Variants in ANO10 observed in about 807,000 individuals in gnomAD.
ANO10 encodes anoctamin 10, also known as anoctamin-10.
Under a neutral mutation model 74.7 loss-of-function variants are expected in ANO10, and 77 were observed. The observed-to-expected ratio is 1.03, with a 90% CI of 0.86 to 1.25. The LOEUF is 1.25. Among genes scored for constraint, ANO10 ranks in the 50% most tolerant of loss-of-function variants. The pLI, the probability that ANO10 is intolerant of heterozygous loss-of-function variation, is 0.00. For synonymous variants in ANO10, 279 were observed against 284.9 expected (o/e 0.98, Z 0.21); for missense variants, 721 against 778.1 (o/e 0.93, Z 0.87).
intron 11 of ANO10, among the ~76,000 whole-genome samples, chr3:43,468,346 A>T (rs7636753): frequency 0.15 from 22,178 of 152,150 alleles, 2,042 homozygotes; most frequent in African/African-American, 0.25. Flanking sequence ...TGAAAGGCTT[A>T]TCTCTGACCC....
At chr3:43,507,603 G>A (rs2077343018) in intron 11 of ANO10, among the ~76,000 whole-genome samples, 1 of 152,062 alleles carries the variant, frequency 6.6e-6, no homozygotes, top group Non-Finnish European at 1.5e-5. Context: ...GCAAACCTCT[G>A]ATGGTGGCTG....
chr3:43,375,607 G>T (rs1232438606), intron 12 of ANO10, among the ~76,000 whole-genome samples: 1 of 152,122 alleles, frequency 6.6e-6, no homozygotes, highest in Non-Finnish European at 1.5e-5. Context: ...ACTCAGATGC[G>T]GAGACACTTC....
chr3:43,453,265 C>T (rs1559559238), intron 11 of ANO10, among the ~76,000 whole-genome samples: 1 of 151,148 alleles, frequency 6.6e-6, no homozygotes, highest in Non-Finnish European at 1.5e-5. Context: ...TTGCAAGCTC[C>T]ACCACCCAGG....
chr3:43,519,981 T>C, intron 11 of ANO10, among the ~76,000 whole-genome samples: 1 of 152,166 alleles, frequency 6.6e-6, no homozygotes. Flanking sequence ...AACCTCCTTG[T>C]AGCAGAGATG....
intron 1 of ANO10, among the ~76,000 whole-genome samples, chr3:43,685,101 ATTGT>A (rs960631285): frequency 9.2e-5 from 14 of 152,028 alleles, no homozygotes; most frequent in Admixed American, 3.9e-4. Context: ...AAAAATAAAG[ATTGT>A]TTATTTTATC....
At chr3:43,680,186 G>GA (rs1199628607) in intron 1 of ANO10, among the ~76,000 whole-genome samples, 3 of 151,904 alleles carry the variant, frequency 2.0e-5, no homozygotes, top group Admixed American at 6.6e-5. Flanking sequence ...TAAAAACCTT[G>GA]AAAAAAAATT....
chr3:43,639,632 C>T (rs2083650993), intron 1 of ANO10, among the ~76,000 whole-genome samples: 1 of 151,986 alleles, frequency 6.6e-6, no homozygotes, highest in South Asian at 2.1e-4. Flanking sequence ...CGTGGTGGTG[C>T]ATGCCTGTAA....
intron 1 of ANO10, among the ~76,000 whole-genome samples, chr3:43,641,295 AC>A (rs879436032): frequency 1.3e-5 from 2 of 152,210 alleles, no homozygotes; most frequent in Admixed American, 6.5e-5. Context: ...CTTTCTTGTT[AC>A]CCCTGTTATG....
At chr3:43,523,206 C>A (rs868275609) in intron 11 of ANO10, among the ~76,000 whole-genome samples, 2 of 152,188 alleles carry the variant, frequency 1.3e-5, no homozygotes, top group Admixed American at 6.6e-5. Flanking sequence ...GGAAACAGCA[C>A]AGCCTACAAT....
At chr3:43,516,036 A>G (rs1056581869) in intron 11 of ANO10, among the ~76,000 whole-genome samples, 3 of 152,202 alleles carry the variant, frequency 2.0e-5, no homozygotes, top group African/African-American at 7.2e-5. Flanking sequence ...TTTCACATAT[A>G]GATCACGACC....
chr3:43,583,737 T>A (rs2081357676), intron 4 of ANO10, among the ~76,000 whole-genome samples: 1 of 152,210 alleles, frequency 6.6e-6, no homozygotes, highest in African/African-American at 2.4e-5. Flanking sequence ...ACAGTCCCTG[T>A]CCCCACAGCT....
chr3:43,543,676 T>C (rs1396862619), intron 11 of ANO10, among the ~76,000 whole-genome samples: 1 of 152,204 alleles, frequency 6.6e-6, no homozygotes, highest in Admixed American at 6.5e-5. Context: ...CGTGAGCTAC[T>C]GCGCCCGGCC....
intron 11 of ANO10, among the ~76,000 whole-genome samples, chr3:43,477,627 T>C (rs1320266739): frequency 1.3e-5 from 2 of 152,214 alleles, no homozygotes; most frequent in Non-Finnish European, 2.9e-5. Flanking sequence ...ACTGTACTTG[T>C]GGTAAGCTCA....
At chr3:43,649,650 AG>A (rs2083765774) in intron 1 of ANO10, among the ~76,000 whole-genome samples, 2 of 152,224 alleles carry the variant, frequency 1.3e-5, no homozygotes, top group Admixed American at 1.3e-4. Context: ...GAAAGTAGAT[AG>A]GCATTAGAAA....
chr3:43,580,164 TA>T (rs1455867486), intron 5 of ANO10, among the ~76,000 whole-genome samples, 188 bp downstream of exon 5: 1 of 150,802 alleles, frequency 6.6e-6, no homozygotes, highest in South Asian at 2.1e-4. Context: ...AAAAAAAGTT[TA>T]AAAAAAGAAA....
intron 1 of ANO10, among the ~76,000 whole-genome samples, chr3:43,610,723 G>C (rs778661629): frequency 1.3e-5 from 2 of 152,186 alleles, no homozygotes; most frequent in Non-Finnish European, 2.9e-5. Flanking sequence ...CAGAAAAACA[G>C]CTAGATATTT....
At position 43,518,292 on chromosome 3, in the gene ANO10, G is replaced by C. The variant is rs1433824306; in HGVS notation, c.1797+31428C>G. On this transcript the variant is annotated intron_variant, in intron 11 of 12. Transcript: ENST00000292246. ...GAACATAAATTGTGGAGATTTCATGGACATTTATCACTCCCCCAATCAACA... is the reference window on the plus strand; with the variant it reads ...GAACATAAATTGTGGAGATTTCATGCACATTTATCACTCCCCCAATCAACA... Among the ~76,000 whole-genome samples, 3 of 152,176 alleles carry C rather than the reference G, an allele frequency of 2.0e-5. No homozygotes were observed. The South Asian group carries it at 6.2e-4, about 32-fold the overall frequency.
chr3:43,466,392 C>CAAAAAA (rs751455876), intron 11 of ANO10, among the ~76,000 whole-genome samples: 1 of 124,838 alleles, frequency 8.0e-6, no homozygotes, highest in African/African-American at 3.0e-5. Flanking sequence ...AAAAAACAAA[C>CAAAAAA]AAAAAAACCA....
intron 11 of ANO10, among the ~76,000 whole-genome samples, chr3:43,474,310 T>C (rs1302556485): frequency 6.6e-6 from 1 of 151,938 alleles, no homozygotes; most frequent in Non-Finnish European, 1.5e-5. Flanking sequence ...CAGGATTGAT[T>C]ATCAAAACTA....
Sources: allele counts gnomAD v4.1 joint callset (sites outside exome capture counted in the v4.1 genomes callset), GRCh38; gene constraint gnomAD v4.1.1; transcripts MANE v1.5; gene names NCBI Gene and HGNC (gene_info 2026-07-23, HGNC 2026-07-21).